Variants in ARHGAP15 observed in about 807,000 individuals in gnomAD.
ARHGAP15 encodes the protein rho GTPase-activating protein 15.
In ARHGAP15, 51 loss-of-function variants were observed where a neutral mutation model predicts 63.7. The observed-to-expected ratio is 0.80, with a 90% CI of 0.64 to 1.01. The LOEUF is 1.01. ARHGAP15 is among the 50% of genes least tolerant of loss of function. The pLI, the probability that ARHGAP15 is intolerant of heterozygous loss-of-function variation, is 0.00. For missense variants in ARHGAP15, 560 were observed against 564.6 expected (o/e 0.99, Z 0.08); for synonymous variants, 191 against 193.8 (o/e 0.99, Z 0.12).
In ARHGAP15 at chr2:143,703,367, AC is replaced by A. The variant is rs1267885459; in HGVS notation, c.1139-50del. On this transcript the variant is annotated intron_variant, in intron 12 of 13. Coordinates refer to ENST00000295095, the MANE Select transcript of ARHGAP15 (RefSeq NM_018460.4). Reference sequence around the variant, plus strand: ...CAAGAAAATTTTCTCATGTACCTGTACCTATGAAATCTTGTTTTTTCCCTAA... The same window carrying A: ...CAAGAAAATTTTCTCATGTACCTGTACTATGAAATCTTGTTTTTTCCCTAA... 3 of 1,480,406 alleles carry A rather than the reference AC, an allele frequency of 2.0e-6. No homozygotes were observed. In the East Asian group the frequency reaches 6.8e-5, roughly 34 times the overall value. The allele number at this position is 1,480,406 out of a possible 1,614,324, so 91.7% of individuals were successfully genotyped here.
intron 1 of ARHGAP15, among the ~76,000 whole-genome samples, chr2:143,154,980 G>A (rs1690021488): frequency 6.6e-6 from 1 of 151,868 alleles, no homozygotes; most frequent in South Asian, 2.1e-4. Context: ...GTGAGTGGGG[G>A]TAGGGGCTCT....
chr2:143,514,513 T>A lies in ARHGAP15; in HGVS notation c.827-4753T>A, dbSNP rs185354371. ...GTTTTGTTCACTCTCCAGTTTTAGTTTCCATGTCCTGCCAACCCTCTTTGT... is the reference window on the plus strand; with the variant it reads ...GTTTTGTTCACTCTCCAGTTTTAGTATCCATGTCCTGCCAACCCTCTTTGT... On this transcript the variant is annotated intron_variant, in intron 9 of 13. Transcript: ENST00000295095. 9.7e-4 allele frequency among the ~76,000 whole-genome samples: 148 copies of A among 152,356 alleles called. 2 individuals carry two copies. Among genetic ancestry groups the A allele is most frequent in the African/African-American group, 3.4e-3 (140 of 41,590 alleles).
At chr2:143,625,352 G>A (rs1378400575) in intron 12 of ARHGAP15, among the ~76,000 whole-genome samples, 1 of 152,090 alleles carries the variant, frequency 6.6e-6, no homozygotes, top group Non-Finnish European at 1.5e-5. Flanking sequence ...CATTCACAAA[G>A]CCTTCACCCT....
intron 6 of ARHGAP15, among the ~76,000 whole-genome samples, chr2:143,310,736 A>C (rs1356365210): frequency 1.3e-5 from 2 of 151,906 alleles, no homozygotes; most frequent in Admixed American, 1.3e-4. Context: ...TTCTCTTTGC[A>C]TTTTTATTTG....
At chr2:143,329,684 T>TA (rs1684418158) in intron 6 of ARHGAP15, among the ~76,000 whole-genome samples, 1 of 152,186 alleles carries the variant, frequency 6.6e-6, no homozygotes, top group Non-Finnish European at 1.5e-5. Flanking sequence ...AGACAACTAG[T>TA]ACGTAAAGTT....
intron 6 of ARHGAP15, among the ~76,000 whole-genome samples, chr2:143,426,530 C>T (rs1240614076): frequency 6.6e-6 from 1 of 152,110 alleles, no homozygotes; most frequent in Non-Finnish European, 1.5e-5. Context: ...ATGACTGACT[C>T]AGAGAGAGTC....
intron 12 of ARHGAP15, among the ~76,000 whole-genome samples, chr2:143,662,476 G>C (rs142368803): frequency 0.74 from 101,954 of 137,900 alleles, 39,677 homozygotes; most frequent in East Asian, 0.91. Context: ...AAAAACAGAA[G>C]AGAAAACTGG....
intron 6 of ARHGAP15, among the ~76,000 whole-genome samples, chr2:143,359,710 A>C (rs1685957701): frequency 6.6e-6 from 1 of 152,214 alleles, no homozygotes; most frequent in Admixed American, 6.5e-5. Flanking sequence ...ATCATAATAC[A>C]TTTGGGAAAT....
At chr2:143,731,244 C>T (rs755509502) in intron 13 of ARHGAP15, among the ~76,000 whole-genome samples, 1 of 152,112 alleles carries the variant, frequency 6.6e-6, no homozygotes, top group Non-Finnish European at 1.5e-5. Flanking sequence ...ACCTTGAAGG[C>T]ATTTGAGCTC....
At chr2:143,538,432 G>C (rs1694881385) in intron 10 of ARHGAP15, among the ~76,000 whole-genome samples, 1 of 152,194 alleles carries the variant, frequency 6.6e-6, no homozygotes, top group African/African-American at 2.4e-5. Flanking sequence ...TAGGAGTGGT[G>C]AGAGAGGGCA....
rs189206083 is a variant in ARHGAP15 at position 143,439,991 on chromosome 2, T to C, written c.703+2949T>C. On this transcript the variant is annotated intron_variant, in intron 8 of 13. Transcript: ENST00000295095. ...TTAATCTTTAACACTAGCTCTAATT[T>C]TAGAAAATGATTCTTTTCTGTATCT... 8.9e-4 allele frequency among the ~76,000 whole-genome samples: 136 copies of C among 152,304 alleles called. 1 individual carries two copies. The highest frequency in any genetic ancestry group is 1.6e-3 in the Non-Finnish European group (112 of 68,016).
chr2:143,463,328 G>A (rs1227469817), intron 8 of ARHGAP15, among the ~76,000 whole-genome samples: 2 of 152,054 alleles, frequency 1.3e-5, no homozygotes, highest in East Asian at 3.9e-4. Context: ...GATCACTTGA[G>A]GTCAAAAGTT....
At chr2:143,504,442 T>C (rs1486046941) in intron 9 of ARHGAP15, among the ~76,000 whole-genome samples, 1 of 152,120 alleles carries the variant, frequency 6.6e-6, no homozygotes, top group African/African-American at 2.4e-5. Flanking sequence ...AAAACTTGGC[T>C]CCACTAGAAG....
chr2:143,255,922 C>G (rs768550171), intron 6 of ARHGAP15, among the ~76,000 whole-genome samples: 2 of 152,100 alleles, frequency 1.3e-5, no homozygotes, highest in Non-Finnish European at 2.9e-5. Context: ...CAGCTTGTCC[C>G]CAATCATTTC....
intron 9 of ARHGAP15, among the ~76,000 whole-genome samples, chr2:143,509,688 A>G (rs1259241615): frequency 1.3e-5 from 2 of 152,146 alleles, no homozygotes; most frequent in Non-Finnish European, 2.9e-5. Flanking sequence ...TTTTAAAGGA[A>G]AAGAAAAGAT....
chr2:143,621,198 C>A (rs995208156), intron 11 of ARHGAP15, among the ~76,000 whole-genome samples: 2 of 152,096 alleles, frequency 1.3e-5, no homozygotes, highest in Non-Finnish European at 2.9e-5. Flanking sequence ...ACAAGACAGC[C>A]CCCACCACAA....
intron 2 of ARHGAP15, among the ~76,000 whole-genome samples, chr2:143,178,341 C>T (rs1323416960): frequency 6.6e-6 from 1 of 152,134 alleles, no homozygotes; most frequent in African/African-American, 2.4e-5. Context: ...CATTCATGAA[C>T]TCCATTGAAG....
In ARHGAP15 at chr2:143,234,195, A is replaced by G. The variant is rs142155816; in HGVS notation, c.384+5527A>G. Among the ~76,000 whole-genome samples the G allele has an allele frequency of 3.9e-3, 599 of 152,260 alleles. 14 individuals are homozygous for G. The highest frequency in any genetic ancestry group is 0.03 in the Admixed American group (458 of 15,292). The stretch of plus-strand genomic sequence containing the variant: ...AGAAGTTTGTTTCTTTTAAAAATGT[A>G]CTATGTATATTGTTAGAGTTAATTT... On this transcript the variant is annotated intron_variant, in intron 5 of 13. Transcript: ENST00000295095.
chr2:143,752,013 T>C (rs1227668383), intron 13 of ARHGAP15, among the ~76,000 whole-genome samples: 2 of 152,210 alleles, frequency 1.3e-5, no homozygotes. Flanking sequence ...ATACAGAGAA[T>C]AGCATCCTTC....
Sources: allele counts gnomAD v4.1 joint callset (sites outside exome capture counted in the v4.1 genomes callset), GRCh38; gene constraint gnomAD v4.1.1; transcripts MANE v1.5; gene names NCBI Gene and HGNC (gene_info 2026-07-23, HGNC 2026-07-21).